The following EDIL3 variants were observed in gnomAD, a reference collection of about 807,000 sequenced individuals.
The protein encoded by EDIL3 is EGF like and discoidin domains 3.
In EDIL3, 37 loss-of-function variants were observed where a neutral mutation model predicts 67.4. The ratio of observed to expected loss-of-function variants is 0.55; its 90% CI spans 0.42 to 0.72. The LOEUF is 0.72. EDIL3 is among the 30% of genes least tolerant of loss of function. The pLI is 0.00. For synonymous variants in EDIL3, 195 were observed against 196.3 expected (o/e 0.99, Z 0.05); for missense variants, 527 against 586.3 (o/e 0.90, Z 1.04).
rs371609670 is a variant in EDIL3, at chr5:84,034,604, A to C, written c.1137+25696T>G. ...CCATATCCAAGTGGGGAAAAAGACA[A>C]GGGAGGGTGTTCATTCATTGGTTAT... On this transcript the variant is annotated intron_variant, in intron 9 of 10. Transcript: ENST00000296591. 3.9e-5 allele frequency among the ~76,000 whole-genome samples: 6 copies of C among 152,278 alleles called. No individual in the cohort carries two copies. In the South Asian group the frequency reaches 6.2e-4, roughly 16 times the overall value.
chr5:84,129,451 C>G (rs530618031), intron 5 of EDIL3, among the ~76,000 whole-genome samples: 4 of 151,722 alleles, frequency 2.6e-5, no homozygotes, highest in Non-Finnish European at 5.9e-5. Context: ...TCAGATTTAC[C>G]CATAGTCAAT....
At chr5:84,037,420 G>A (rs1388631260) in intron 9 of EDIL3, among the ~76,000 whole-genome samples, 2 of 152,006 alleles carry the variant, frequency 1.3e-5, no homozygotes, top group Non-Finnish European at 2.9e-5. Flanking sequence ...TTATTTTGGA[G>A]ACATAAAAAA....
chr5:84,240,805 C>G (rs1467550017), intron 2 of EDIL3, among the ~76,000 whole-genome samples: 2 of 152,164 alleles, frequency 1.3e-5, no homozygotes, highest in African/African-American at 4.8e-5. Flanking sequence ...CCATAAACAC[C>G]TTATAAACTG....
At chr5:84,177,933 T>C (rs1291298470) in intron 4 of EDIL3, among the ~76,000 whole-genome samples, 1 of 152,182 alleles carries the variant, frequency 6.6e-6, no homozygotes, top group Non-Finnish European at 1.5e-5. Context: ...CAAAAGACAT[T>C]TAGTTAACAT....
At chr5:84,370,963 G>C (rs574016687) in intron 1 of EDIL3, among the ~76,000 whole-genome samples, 1 of 152,084 alleles carries the variant, frequency 6.6e-6, no homozygotes, top group Non-Finnish European at 1.5e-5. Flanking sequence ...AATATTAACT[G>C]AGTGCCTACT....
chr5:83,960,530 T>TA (rs922680888), intron 10 of EDIL3, among the ~76,000 whole-genome samples: 2 of 151,058 alleles, frequency 1.3e-5, no homozygotes, highest in African/African-American at 4.8e-5. Context: ...TACATCAATT[T>TA]AAAAAAGATT....
intron 1 of EDIL3, among the ~76,000 whole-genome samples, chr5:84,380,955 C>A (rs1748063087): frequency 6.6e-6 from 1 of 151,760 alleles, no homozygotes; most frequent in South Asian, 2.1e-4. Context: ...ATTTAAAATA[C>A]CCTAGATTTT....
chr5:84,333,852 GA>G (rs1746927321), intron 1 of EDIL3, among the ~76,000 whole-genome samples: 1 of 152,022 alleles, frequency 6.6e-6, no homozygotes, highest in South Asian at 2.1e-4. Flanking sequence ...CTGCCTGACA[GA>G]ATAGAGAAAA....
intron 1 of EDIL3, among the ~76,000 whole-genome samples, chr5:84,363,877 A>T (rs1485920012): frequency 6.6e-6 from 1 of 152,120 alleles, no homozygotes; most frequent in Admixed American, 6.6e-5. Context: ...ATATAAATAT[A>T]CTCATTTTAA....
At chr5:84,371,105 T>A (rs966016714) in intron 1 of EDIL3, among the ~76,000 whole-genome samples, 4 of 151,580 alleles carry the variant, frequency 2.6e-5, no homozygotes, top group Admixed American at 6.6e-5. Context: ...TATATAACTA[T>A]GATTTTTGAA....
intron 1 of EDIL3, among the ~76,000 whole-genome samples, chr5:84,288,871 C>T (rs750389403): frequency 1.0e-3 from 152 of 146,446 alleles, no homozygotes; most frequent in Non-Finnish European, 1.9e-3. Flanking sequence ...CAAGAATAGA[C>T]TTTTTTTTTT....
At chr5:84,050,458 C>G (rs1225957796) in intron 9 of EDIL3, among the ~76,000 whole-genome samples, 2 of 152,170 alleles carry the variant, frequency 1.3e-5, no homozygotes, top group Admixed American at 6.5e-5. Context: ...GAGTGTCAGA[C>G]AGTGGGTACA....
At chr5:84,249,377 TTCTATCTATCTA>T (rs72278901) in intron 2 of EDIL3, among the ~76,000 whole-genome samples, 2,173 of 144,264 alleles carry the variant, frequency 0.015, 31 homozygotes, top group African/African-American at 0.033. Context: ...CAACATATCT[TTCTATCTATCTA>T]TCTATCTATC....
intron 9 of EDIL3, among the ~76,000 whole-genome samples, chr5:83,970,643 GTATATATATATATATATA>G (rs70975530): frequency 2.0e-4 from 23 of 116,136 alleles, no homozygotes; most frequent in Admixed American, 5.1e-4. Flanking sequence ...TAGGATCACA[GTATATATATATATATATA>G]TATATATATA....
At position 84,190,080 on chromosome 5, in the gene EDIL3, T is replaced by C. The variant is rs559328111; in HGVS notation, c.227-9559A>G. ...AGTGGGATAAACATGAACACCCCTATAATCTAAGAGAAACATAGATGGCAA... is the reference window on the plus strand; with the variant it reads ...AGTGGGATAAACATGAACACCCCTACAATCTAAGAGAAACATAGATGGCAA... On this transcript the variant is annotated intron_variant, in intron 3 of 10. Coordinates refer to ENST00000296591, the MANE Select transcript of EDIL3 (RefSeq NM_005711.5). Among the ~76,000 whole-genome samples, 8 of 152,092 alleles carry C rather than the reference T, an allele frequency of 5.3e-5. No individual in the cohort carries two copies. The South Asian group carries it at 1.2e-3, about 24-fold the overall frequency.
intron 9 of EDIL3, among the ~76,000 whole-genome samples, chr5:84,019,296 C>CA (rs1745666879): frequency 6.7e-6 from 1 of 149,154 alleles, no homozygotes; most frequent in South Asian, 2.1e-4. Flanking sequence ...ATCACAAGGA[C>CA]AAAAAACCAA....
chr5:84,345,280 G>A (rs1294280865), intron 1 of EDIL3, among the ~76,000 whole-genome samples: 2 of 152,092 alleles, frequency 1.3e-5, no homozygotes, highest in Non-Finnish European at 2.9e-5. Context: ...TTCTGCCAAG[G>A]AAATGTCATC....
chr5:84,269,363 C>T (rs1745417189), intron 1 of EDIL3, among the ~76,000 whole-genome samples: 2 of 152,112 alleles, frequency 1.3e-5, no homozygotes, highest in African/African-American at 4.8e-5. Flanking sequence ...GTACAAATAT[C>T]TCTGTGAACT....
At chr5:84,041,501 C>T (rs1746120913) in intron 9 of EDIL3, among the ~76,000 whole-genome samples, 1 of 150,000 alleles carries the variant, frequency 6.7e-6, no homozygotes. Context: ...TTCCCTATTT[C>T]TCATTACAGA....
Sources: allele counts gnomAD v4.1 joint callset (sites outside exome capture counted in the v4.1 genomes callset), GRCh38; gene constraint gnomAD v4.1.1; transcripts MANE v1.5; gene names NCBI Gene and HGNC (gene_info 2026-07-23, HGNC 2026-07-21).